SHANK2: variants seen among roughly 807,000 people sequenced by gnomAD.
SHANK2 encodes SH3 and multiple ankyrin repeat domains 2, also known as SH3 and multiple ankyrin repeat domains protein 2.
In SHANK2, 43 loss-of-function variants were observed where a neutral mutation model predicts 133.7. That is an observed-to-expected ratio of 0.32 (90% CI 0.25 to 0.41). SHANK2 has a LOEUF of 0.41. Ranked by LOEUF, SHANK2 falls within the 10% of genes least tolerant of loss-of-function variation. The pLI is 1.00. For synonymous variants in SHANK2, 1,017 were observed against 952.8 expected (o/e 1.07, Z -1.24); for missense variants, 1,994 against 2,235.8 (o/e 0.89, Z 2.18).
rs782081464 is a variant in SHANK2, at chr11:70,807,089, C to T, written c.1576G>A (p.Val526Met). The change falls in exon 13 of 26, where the codon GTG (valine) becomes ATG (methionine). Residue 526 changes from valine (V) to methionine (M), a missense_variant. Transcript: ENST00000601538. This position sits in a 1 kb window ranked among gnomAD's most constrained non-coding sequence, Gnocchi z 4.8. Reference protein sequence around the residue: ...PGPKRKLYSAVPGRLFVAVKP... With the variant: ...PGPKRKLYSAMPGRLFVAVKP... ...ACAGCGACGAAGAGCCTCCCGGGCA[C>T]GGCACTGTAGAGCTTCCGCTTGGGC... The T allele has an allele frequency of 8.4e-6, 6 of 717,836 alleles. No individual in the cohort carries two copies. Among genetic ancestry groups the T allele is most frequent in the South Asian group, 3.0e-5 (2 of 67,558 alleles). 44.5% of individuals were successfully genotyped at this position (717,836 alleles called of 1,614,324 possible). A position where few individuals can be genotyped will look rare whatever the true frequency, so the allele number is the denominator to read the frequency against.
intron 17 of SHANK2, among the ~76,000 whole-genome samples, chr11:70,575,518 CA>C (rs71049923): frequency 4.3e-5 from 6 of 139,588 alleles, no homozygotes; most frequent in East Asian, 2.0e-4. Context: ...GACTCTGCCT[CA>C]AAAAAAAAAG....
intron 10 of SHANK2, among the ~76,000 whole-genome samples, chr11:70,954,841 G>C (rs1371614989): frequency 6.6e-6 from 1 of 152,248 alleles, no homozygotes; most frequent in African/African-American, 2.4e-5. Flanking sequence ...GGTTAAGGAA[G>C]AACACGGGGT....
intron 14 of SHANK2, among the ~76,000 whole-genome samples, chr11:70,788,848 G>A (rs1358082933): frequency 6.6e-6 from 1 of 152,176 alleles, no homozygotes; most frequent in Admixed American, 6.5e-5. Context: ...GATGATAGAG[G>A]AGCAACGCAC....
intron 17 of SHANK2, among the ~76,000 whole-genome samples, chr11:70,581,178 C>T (rs782311680): frequency 1.3e-5 from 2 of 152,162 alleles, no homozygotes; most frequent in Non-Finnish European, 2.9e-5. Context: ...GTAAGTCTAG[C>T]GTTTGAAGGG....
At chr11:70,496,767 C>T (rs1264043129) in intron 21 of SHANK2, among the ~76,000 whole-genome samples, 1 of 150,410 alleles carries the variant, frequency 6.6e-6, no homozygotes, top group Non-Finnish European at 1.5e-5. Context: ...CTGCCCAGCC[C>T]TGGGCCCTGG....
rs1322143159 is a variant in SHANK2, at chr11:71,166,473, C to CTTTTTTTTTTTTTTTTTTTTTTT, written c.-12-19136_-12-19135insAAAAAAAAAAAAAAAAAAAAAAA. On this transcript the variant is annotated intron_variant, in intron 2 of 25. Transcript: ENST00000601538. ...TTGGTTTACCTTCCAATCCACACGT[C>CTTTTTTTTTTTTTTTTTTTTTTT]TTTTTTTTCTTTTCTTTTTTTTTTG... 1.1e-4 allele frequency among the ~76,000 whole-genome samples: 14 copies of CTTTTTTTTTTTTTTTTTTTTTTT among 131,382 alleles called. 3 individuals are homozygous for CTTTTTTTTTTTTTTTTTTTTTTT. The highest frequency in any genetic ancestry group is 1.6e-4 in the Non-Finnish European group (10 of 61,410). The allele number at this position is 131,382 out of a possible 152,430, so 86.2% of individuals were successfully genotyped here. A position where few individuals can be genotyped will look rare whatever the true frequency, so the allele number is the denominator to read the frequency against.
chr11:71,240,092 C>A lies in SHANK2; in HGVS notation c.-113+12333G>T, dbSNP rs138210324. Among the ~76,000 whole-genome samples the A allele has an allele frequency of 7.9e-3, 1,208 of 152,272 alleles. 11 individuals carry two copies. The highest frequency in any genetic ancestry group is 0.014 in the Non-Finnish European group (922 of 68,030). On this transcript the variant is annotated intron_variant, in intron 1 of 25. Transcript: ENST00000601538. Reference sequence around the variant, plus strand: ...CCTCGTTCTTCGGGAGAATGAACTCCAGAAGCTATTTAACCAGGCTTGGTC... The same window carrying A: ...CCTCGTTCTTCGGGAGAATGAACTCAAGAAGCTATTTAACCAGGCTTGGTC...
At chr11:71,202,009 G>T (rs1555117223) in intron 2 of SHANK2, among the ~76,000 whole-genome samples, 1 of 152,248 alleles carries the variant, frequency 6.6e-6, no homozygotes, top group Non-Finnish European at 1.5e-5. Context: ...ACAAGTCCTG[G>T]TTTATCTGAT....
At chr11:70,884,128 C>T (rs1337096578) in intron 11 of SHANK2, among the ~76,000 whole-genome samples, 1 of 152,218 alleles carries the variant, frequency 6.6e-6, no homozygotes, top group African/African-American at 2.4e-5. Flanking sequence ...CAGGCCAGTG[C>T]ACCAGGGCAC....
chr11:70,622,503 A>G (rs115658967), intron 17 of SHANK2, among the ~76,000 whole-genome samples: 8,321 of 152,286 alleles, frequency 0.055, 262 homozygotes, highest in African/African-American at 0.082. Context: ...CTCACAGTTC[A>G]GGCGGCCTCC....
chr11:70,858,361 T>C (rs376562943), intron 11 of SHANK2, among the ~76,000 whole-genome samples: 12 of 152,320 alleles, frequency 7.9e-5, no homozygotes, highest in African/African-American at 2.9e-4. Context: ...GTGATACCCA[T>C]GTCTGAAGCT....
intron 10 of SHANK2, chr11:70,952,734 C>T (rs1555086924): frequency 2.4e-6 from 1 of 422,480 alleles, no homozygotes; most frequent in South Asian, 1.7e-5. Context: ...GGCAGGGCGG[C>T]CCTGGCTTCG....
intron 17 of SHANK2, among the ~76,000 whole-genome samples, chr11:70,575,194 T>C (rs4980613): frequency 0.52 from 78,925 of 151,972 alleles, 20,761 homozygotes; most frequent in South Asian, 0.7. Context: ...AGCAGAGGAA[T>C]GGTCACCCAA....
intron 17 of SHANK2, among the ~76,000 whole-genome samples, chr11:70,528,568 G>A (rs1250027479): frequency 1.3e-5 from 2 of 152,152 alleles, no homozygotes; most frequent in Non-Finnish European, 2.9e-5. Flanking sequence ...GGGCAGCAGA[G>A]CTCCATGGGG....
intron 17 of SHANK2, among the ~76,000 whole-genome samples, chr11:70,514,958 T>G (rs147392927): frequency 1.1e-3 from 169 of 152,342 alleles, no homozygotes; most frequent in African/African-American, 3.8e-3. Flanking sequence ...ATGCTGTCCG[T>G]ACACTTTCAA....
At chr11:70,908,746 C>T (rs765498188) in intron 10 of SHANK2, among the ~76,000 whole-genome samples, 6 of 152,144 alleles carry the variant, frequency 3.9e-5, no homozygotes, top group South Asian at 2.1e-4. Flanking sequence ...CAGGGGTTGG[C>T]GGTGGGGGAT....
At chr11:70,744,493 G>A (rs1555035530) in intron 14 of SHANK2, among the ~76,000 whole-genome samples, 1 of 152,186 alleles carries the variant, frequency 6.6e-6, no homozygotes, top group African/African-American at 2.4e-5. Context: ...CCTACGGGAG[G>A]AATGAATGAG....
chr11:70,740,789 G>T (rs1946506801), intron 14 of SHANK2, among the ~76,000 whole-genome samples: 1 of 152,162 alleles, frequency 6.6e-6, no homozygotes, highest in Non-Finnish European at 1.5e-5. Context: ...CCAGTCCTTG[G>T]AGCCAGCCTC....
intron 17 of SHANK2, among the ~76,000 whole-genome samples, chr11:70,641,977 G>C (rs2061189940): frequency 6.6e-6 from 1 of 152,232 alleles, no homozygotes; most frequent in Non-Finnish European, 1.5e-5. Context: ...TGACTCTTCT[G>C]GGTGACCAAG....
Sources: allele counts gnomAD v4.1 joint callset (sites outside exome capture counted in the v4.1 genomes callset), GRCh38; gene constraint gnomAD v4.1.1; non-coding constraint Gnocchi (gnomAD v3.1); transcripts MANE v1.5; gene names NCBI Gene and HGNC (gene_info 2026-07-23, HGNC 2026-07-21).